The following MYO18A variants were observed in gnomAD, a reference collection of about 807,000 sequenced individuals.
The protein encoded by MYO18A is myosin XVIIIA, also known as unconventional myosin-XVIIIa.
A neutral mutation model predicts 235.8 loss-of-function variants in MYO18A; 78 were observed. The ratio of observed to expected loss-of-function variants is 0.33; its 90% confidence interval spans 0.28 to 0.40. The LOEUF is 0.40. MYO18A is among the 10% of genes least tolerant of loss of function. The pLI is 1.00. For synonymous variants in MYO18A, 977 were observed against 1,077.8 expected (o/e 0.91, Z 1.83); for missense variants, 2,215 against 2,699.3 (o/e 0.82, Z 3.98).
At chr17:29,165,850 A>T (rs2068269210) in intron 2 of MYO18A, 92 bp downstream of exon 2, 12 of 1,226,090 alleles carry the variant, frequency 9.8e-6, no homozygotes, top group Non-Finnish European at 1.4e-5. Flanking sequence ...AGGCTCTGAT[A>T]ACAGCTCTTG....
At chr17:29,107,300 G>T in intron 19 of MYO18A, 111 bp from the exon 20 acceptor site, 1 of 990,618 alleles carries the variant, frequency 1.0e-6, no homozygotes, top group Non-Finnish European at 1.6e-6. Flanking sequence ...GGAAGAAACT[G>T]CAGGGGGTGG....
chr17:29,087,180 G>A, intron 37 of MYO18A, 59 bp from the exon 38 acceptor site: 1 of 1,550,574 alleles, frequency 6.4e-7, no homozygotes, highest in Non-Finnish European at 8.8e-7. Context: ...CAGGCAGAGG[G>A]AGGGTGTGGC....
rs1432378883 is a variant in MYO18A, at chr17:29,109,347, T to C, written c.3331+511A>G. On this transcript the variant is annotated intron_variant, in intron 19 of 41. Transcript: ENST00000527372. This position sits in a 1 kb window ranked among gnomAD's most constrained non-coding sequence, Gnocchi z 4.1. Reference sequence around the variant, plus strand: ...TGCTATCCCGGCCCCCAGCCACCGATAACAGCTTCTAAGGACTCTAAGTAA... The same window carrying C: ...TGCTATCCCGGCCCCCAGCCACCGACAACAGCTTCTAAGGACTCTAAGTAA... Among the ~76,000 whole-genome samples, 2 of 152,138 alleles carry C rather than the reference T, an allele frequency of 1.3e-5. No homozygotes were observed. Among genetic ancestry groups the C allele is most frequent in the African/African-American group, 4.8e-5 (2 of 41,432 alleles).
chr17:29,136,250 A>AATATATATAT (rs1247592713), intron 2 of MYO18A, among the ~76,000 whole-genome samples: 2 of 82,456 alleles, frequency 2.4e-5, no homozygotes, highest in African/African-American at 9.2e-5. Context: ...AAAAAAAAAA[A>AATATATATAT]ATATATATAT....
chr17:29,130,299 CAAAAAAAAAAA>C (rs564370108), intron 2 of MYO18A, among the ~76,000 whole-genome samples: 2 of 55,914 alleles, frequency 3.6e-5, no homozygotes, highest in African/African-American at 8.0e-5. Context: ...AACCCTGTCT[CAAAAAAAAAAA>C]AAAAAAAAAA....
At chr17:29,155,022 GC>G (rs1315541820) in intron 2 of MYO18A, among the ~76,000 whole-genome samples, 1 of 152,172 alleles carries the variant, frequency 6.6e-6, no homozygotes, top group African/African-American at 2.4e-5. Context: ...ATGTGTTGGG[GC>G]CGGGCATGAA....
Position 29,090,910 on chromosome 17 carries a change from C to G in MYO18A, c.5204G>C (p.Ser1735Thr), listed in dbSNP as rs2066382372. 1.2e-6 allele frequency: 2 copies of G among 1,613,932 alleles called. No individual in the cohort carries two copies. Among genetic ancestry groups the G allele is most frequent in the Non-Finnish European group, 1.7e-6 (2 of 1,179,864 alleles). Residue 1735 changes from serine to threonine, a missense_variant, in exon 35 of 42, where the codon AGC becomes ACC. By Grantham distance (58) the Ser-to-Thr change is moderately conservative. Coordinates refer to ENST00000527372, the MANE Select transcript of MYO18A (RefSeq NM_078471.4). ...KAKTALEEQL[S>T]RLQREKNEIQ... ...CTCATTCTTCTCACGCTGAAGGCGG[C>G]TCAGCTGCTCCTCCAGCTGGAGAGA...
chr17:29,176,768 T>C (rs2068540613), intron 1 of MYO18A: 1 of 152,234 alleles, frequency 6.6e-6, no homozygotes. Context: ...CACACGGAGC[T>C]TATCTGGCTC....
intron 2 of MYO18A, among the ~76,000 whole-genome samples, chr17:29,139,205 G>A (rs2067676550): frequency 6.6e-6 from 1 of 152,224 alleles, no homozygotes; most frequent in Non-Finnish European, 1.5e-5. Flanking sequence ...AGTTGCAGAA[G>A]GGTCTTGGTT....
intron 1 of MYO18A, among the ~76,000 whole-genome samples, chr17:29,177,190 C>A (rs538302209): frequency 6.6e-6 from 1 of 152,368 alleles, no homozygotes; most frequent in South Asian, 2.1e-4. Flanking sequence ...CAACCACACA[C>A]TGCAGGTTGT....
intron 2 of MYO18A, among the ~76,000 whole-genome samples, chr17:29,143,984 T>G (rs571940124): frequency 6.6e-6 from 1 of 152,368 alleles, no homozygotes; most frequent in East Asian, 1.9e-4. Context: ...AGATGCCCTT[T>G]GTGGCCATAT....
At position 29,081,489 on chromosome 17, in the gene MYO18A, A is replaced by T. The variant is rs78618047; in HGVS notation, c.6020+827T>A. 9.2e-5 allele frequency among the ~76,000 whole-genome samples: 14 copies of T among 152,012 alleles called. No individual in the cohort carries two copies. In the East Asian group the frequency reaches 2.7e-3, roughly 30 times the overall value. ...GGAAGGGGCCTTGGGGGAGCTGGAG[A>T]AGGGAGGGAGAGATGTTACTTTTTC... is the stretch of plus-strand genomic sequence containing the variant. On this transcript the variant is annotated intron_variant, in intron 41 of 41. Transcript: ENST00000527372.
intron 2 of MYO18A, among the ~76,000 whole-genome samples, chr17:29,164,442 A>C (rs1443093247): frequency 6.6e-6 from 1 of 152,222 alleles, no homozygotes; most frequent in African/African-American, 2.4e-5. Context: ...GCTTCCTGAC[A>C]GTCTGACCCT....
chr17:29,128,465 G>C (rs1208996454), intron 2 of MYO18A: 2 of 1,289,352 alleles, frequency 1.6e-6, no homozygotes, highest in Non-Finnish European at 2.0e-6. Flanking sequence ...GGCTCTCTGG[G>C]AAGTCTCTGG....
In MYO18A at chr17:29,074,654, T is replaced by C. The variant is rs2065932186; in HGVS notation, c.*116A>G. The stretch of plus-strand genomic sequence containing the variant: ...CCCCTGACAGAAGAAGGTCAGGGTG[T>C]TTCCCATGCAGATCAGCAGTCGGGT... On this transcript the variant is annotated 3_prime_UTR_variant, in exon 42 of 42. Transcript: ENST00000527372. The surrounding 1 kb of genome is among the most constrained non-coding windows in gnomAD (Gnocchi z 4.4). 1.7e-6 allele frequency: 2 copies of C among 1,165,586 alleles called. No individual in the cohort carries two copies. Among genetic ancestry groups the C allele is most frequent in the Non-Finnish European group, 1.3e-6 (1 of 795,524 alleles). The allele number at this position is 1,165,586 out of a possible 1,614,324, so 72.2% of individuals were successfully genotyped here.
intron 20 of MYO18A, among the ~76,000 whole-genome samples, chr17:29,105,848 G>A (rs1011482877): frequency 2.6e-5 from 4 of 152,082 alleles, no homozygotes; most frequent in African/African-American, 9.7e-5. Context: ...AGTCCACAAA[G>A]TTGTATAATT....
At position 29,115,039 on chromosome 17, in the gene MYO18A, G is replaced by C; in HGVS notation, c.2379C>G (p.Phe793Leu). ...CTGACCCACCCTGCTCAGGGTTCTG[G>C]AAGCCCGGGGTGTCGACAATCATCA... ...CSMMIVDTPGFQNPEQGGSAR... is the reference protein window; with the variant it reads ...CSMMIVDTPGLQNPEQGGSAR... The change falls in exon 14 of 42, where the codon TTC becomes TTG. Residue 793 changes from phenylalanine to leucine, a missense_variant. Transcript: ENST00000527372. 2 of 1,613,836 alleles carry C rather than the reference G, an allele frequency of 1.2e-6. No homozygotes were observed. The highest frequency in any genetic ancestry group is 1.7e-6 in the Non-Finnish European group (2 of 1,179,876).
intron 28 of MYO18A, among the ~76,000 whole-genome samples, chr17:29,095,937 T>C (rs1274737429): frequency 1.3e-5 from 2 of 150,924 alleles, no homozygotes; most frequent in Non-Finnish European, 3.0e-5. Flanking sequence ...GGTAAAGGGG[T>C]AGGGTGGGGG....
intron 3 of MYO18A, 96 bp from the exon 4 acceptor site, chr17:29,122,053 C>G (rs1490126938): frequency 6.6e-7 from 1 of 1,513,840 alleles, no homozygotes; most frequent in Non-Finnish European, 9.1e-7. Context: ...CACTGCATCA[C>G]CAGCCTCTCC....
Sources: allele counts gnomAD v4.1 joint callset (sites outside exome capture counted in the v4.1 genomes callset), GRCh38; gene constraint gnomAD v4.1.1; non-coding constraint Gnocchi (gnomAD v3.1); transcripts MANE v1.5; gene names NCBI Gene and HGNC (gene_info 2026-07-23, HGNC 2026-07-21).